Variants in IRAG1 observed in about 807,000 individuals in gnomAD.
The protein encoded by IRAG1 is IP3R-associated cGMP kinase substrate.
Under a neutral mutation model 106.2 loss-of-function variants are expected in IRAG1, and 62 were observed. The observed-to-expected ratio is 0.58, with a 90% CI of 0.48 to 0.72. IRAG1 has a LOEUF of 0.72. Ranked by LOEUF, IRAG1 falls within the 30% of genes least tolerant of loss-of-function variation. The pLI, the probability that IRAG1 is intolerant of heterozygous loss-of-function variation, is 0.00. For synonymous variants in IRAG1, 462 were observed against 443.9 expected (o/e 1.04, Z -0.51); for missense variants, 1,064 against 1,140.7 (o/e 0.93, Z 0.97).
At chr11:10,632,494 GTA>G (rs1441485669) in intron 3 of IRAG1, among the ~76,000 whole-genome samples, 1 of 152,082 alleles carries the variant, frequency 6.6e-6, no homozygotes, top group African/African-American at 2.4e-5. Flanking sequence ...CCAGATGCCT[GTA>G]TATTCTTTCA....
At chr11:10,611,899 A>G (rs952609001) in intron 10 of IRAG1, among the ~76,000 whole-genome samples, 1 of 152,204 alleles carries the variant, frequency 6.6e-6, no homozygotes, top group African/African-American at 2.4e-5. Flanking sequence ...AGCATTTCGA[A>G]GAGAGAAAAA....
At chr11:10,617,209 T>C in intron 10 of IRAG1, 1 of 985,230 alleles carries the variant, frequency 1.0e-6, no homozygotes, top group Non-Finnish European at 1.2e-6. Context: ...GCCACCTGGT[T>C]AAGGAGAATA....
chr11:10,688,797 C>T (rs932270304), intron 1 of IRAG1, among the ~76,000 whole-genome samples: 1 of 152,174 alleles, frequency 6.6e-6, no homozygotes, highest in African/African-American at 2.4e-5. Context: ...TTTACCTATG[C>T]CTTTATTTAC....
In IRAG1 at chr11:10,576,438, CA is replaced by C. The variant is rs2134038038; in HGVS notation, c.2632del (p.Cys878ValfsTer41). 6.2e-7 allele frequency: 1 copy of C among 1,613,970 alleles called. No individual in the cohort carries two copies. The highest frequency in any genetic ancestry group is 2.2e-5 in the East Asian group (1 of 44,878). ...AAGGGGCCCATCAGCCTGCTCTGCA[CA>C]AGAGTTATAGGAATTGTAGAGCCCC... Reference protein sequence around the residue: ...VLGLYNSYNSCAEQADGPLGR... With the variant: ...VLGLYNSYNSXAEQADGPLGR... On this transcript the variant is annotated frameshift_variant, in exon 21 of 21. Coordinates refer to ENST00000423302, the MANE Select transcript of IRAG1 (RefSeq NM_130385.4). LOFTEE classifies it high-confidence loss of function.
rs777166738 is a variant in IRAG1, at chr11:10,576,441, G to T, written c.2630C>A (p.Ser877Tyr). The change falls in exon 21 of 21, where the codon TCT (serine) becomes TAT (tyrosine). Residue 877 changes from serine to tyrosine, a missense_variant. Ser to Tyr is a moderately radical substitution (Grantham distance 144). Coordinates refer to ENST00000423302, the MANE Select transcript of IRAG1 (RefSeq NM_130385.4). Reference sequence around the variant, plus strand: ...GGGCCCATCAGCCTGCTCTGCACAAGAGTTATAGGAATTGTAGAGCCCCAG... The same window carrying T: ...GGGCCCATCAGCCTGCTCTGCACAATAGTTATAGGAATTGTAGAGCCCCAG... ...VVLGLYNSYN[S>Y]CAEQADGPLG... 3.7e-6 allele frequency: 6 copies of T among 1,613,876 alleles called. No homozygotes were observed. The African/African-American group carries it at 8.0e-5, about 22-fold the overall frequency.
intron 1 of IRAG1, among the ~76,000 whole-genome samples, chr11:10,681,045 G>C (rs1370684760): frequency 6.6e-6 from 1 of 152,170 alleles, no homozygotes; most frequent in Non-Finnish European, 1.5e-5. Context: ...ATCTTCCTGG[G>C]TCTTTTCAAG....
rs11604405 is a variant in IRAG1 at position 10,626,082 on chromosome 11, C to T, written c.1252G>A (p.Glu418Lys). 1.3e-6 allele frequency: 2 copies of T among 1,541,412 alleles called. No individual in the cohort carries two copies. Among genetic ancestry groups the T allele is most frequent in the Middle Eastern group, 1.7e-4 (1 of 5,740 alleles). The stretch of plus-strand genomic sequence containing the variant: ...GCCTTGCCTGCAAAACGCTTTTCTT[C>T]CTCTGCCAGTGGCAGCTTGGCAAGC... ...KVLAKLPLAE[E>K]EKRFAGKAGG... is the part of the protein sequence containing the mutation. Residue 418 changes from glutamate (E) to lysine (K), a missense_variant, in exon 9 of 21, where the codon GAA becomes AAA. Transcript: ENST00000423302.
At chr11:10,650,164 C>T (rs1470889986) in intron 2 of IRAG1, among the ~76,000 whole-genome samples, 2 of 152,142 alleles carry the variant, frequency 1.3e-5, no homozygotes, top group African/African-American at 4.8e-5. Flanking sequence ...TCTCCATATC[C>T]CAAACCCATG....
intron 1 of IRAG1, among the ~76,000 whole-genome samples, chr11:10,653,883 T>G (rs563872205): frequency 2.0e-3 from 309 of 152,250 alleles, no homozygotes; most frequent in Middle Eastern, 6.8e-3. Flanking sequence ...TCTATAGAAC[T>G]AACAACTGGC....
chr11:10,622,876 G>GACACACACACACACACACACACAC (rs10525799), intron 10 of IRAG1, among the ~76,000 whole-genome samples: 17,540 of 140,980 alleles, frequency 0.12, 1,432 homozygotes, highest in East Asian at 0.28. Context: ...GTAAGCAGTG[G>GACACACACACACACACACACACAC]ACACACACAC....
chr11:10,671,738 C>G (rs957002235), intron 1 of IRAG1, among the ~76,000 whole-genome samples: 3 of 151,828 alleles, frequency 2.0e-5, no homozygotes, highest in Non-Finnish European at 4.4e-5. Flanking sequence ...AACACAACAA[C>G]AACAACAACA....
At chr11:10,652,297 CG>C (rs1375072420) in intron 1 of IRAG1, 115 bp from the exon 2 acceptor site, 2 of 1,521,710 alleles carry the variant, frequency 1.3e-6, no homozygotes, top group East Asian at 2.4e-5. Flanking sequence ...GCATCAACAC[CG>C]GAGGTCAAAC....
Position 10,626,041 on chromosome 11 carries a change from G to C in IRAG1, c.1293C>G (p.Ala431=). 6.6e-7 allele frequency: 1 copy of C among 1,514,892 alleles called. No homozygotes were observed. The highest frequency in any genetic ancestry group is 8.8e-7 in the Non-Finnish European group (1 of 1,131,598). The allele number at this position is 1,514,892 out of a possible 1,614,324, so 93.8% of individuals were successfully genotyped here. The change falls in exon 9 of 21, where the codon GCC becomes GCG. Residue 431 remains alanine (A), a synonymous_variant. Coordinates refer to ENST00000423302, the MANE Select transcript of IRAG1 (RefSeq NM_130385.4). ...RFAGKAGGKL[A]KAPGLKDFQI... ...GAAAGTCTTTGAGACCAGGGGCCTT[G>C]GCCAGCTTGCCGCCGGCCTTGCCTG...
chr11:10,634,117 G>A, intron 2 of IRAG1, 46 bp from the exon 3 acceptor site: 1 of 1,173,408 alleles, frequency 8.5e-7, no homozygotes, highest in Non-Finnish European at 1.2e-6. Context: ...GGGCTGGTGG[G>A]ACTTCCAGGG....
intron 19 of IRAG1, 97 bp from the exon 20 acceptor site, chr11:10,580,686 T>C (rs951302441): frequency 7.2e-6 from 10 of 1,384,916 alleles, no homozygotes; most frequent in Admixed American, 2.3e-5. Context: ...GCACCTCCAA[T>C]AATTATGTGC....
At position 10,602,575 on chromosome 11, in the gene IRAG1, C is replaced by T. The variant is rs116744268; in HGVS notation, c.1875+545G>A. 3.4e-3 allele frequency among the ~76,000 whole-genome samples: 513 copies of T among 152,334 alleles called. 1 individual carries two copies. The highest frequency in any genetic ancestry group is 9.6e-3 in the African/African-American group (398 of 41,574). On this transcript the variant is annotated intron_variant, in intron 14 of 20. Coordinates refer to ENST00000423302, the MANE Select transcript of IRAG1 (RefSeq NM_130385.4). ...GAGAGCCAGACCTGGGCCTGTGCCCCGCTCCGCCACTAACGCTTTTACTTT... is the reference window on the plus strand; with the variant it reads ...GAGAGCCAGACCTGGGCCTGTGCCCTGCTCCGCCACTAACGCTTTTACTTT...
chr11:10,635,945 G>A (rs949535246), intron 2 of IRAG1, among the ~76,000 whole-genome samples: 1 of 152,192 alleles, frequency 6.6e-6, no homozygotes, highest in South Asian at 2.1e-4. Context: ...TGAAGGAAGA[G>A]GAGGCACTCA....
intron 1 of IRAG1, among the ~76,000 whole-genome samples, chr11:10,668,273 C>A (rs1390571): frequency 0.67 from 101,563 of 152,170 alleles, 34,702 homozygotes; most frequent in East Asian, 0.97. Context: ...TGGCTGTTGA[C>A]TTTCAATGTC....
At position 10,651,906 on chromosome 11, in the gene IRAG1, C is replaced by T. The variant is rs528001055; in HGVS notation, c.225+119G>A. On this transcript the variant is annotated intron_variant, in intron 2 of 20. Transcript: ENST00000423302. ...GCCACACACCTTCTCCAGGTACCCA[C>T]TGCAACCTACATGAGCTGTCAGCAA... 25 of 1,244,726 alleles carry T rather than the reference C, an allele frequency of 2.0e-5. No individual in the cohort carries two copies. The South Asian group carries it at 3.3e-4, about 16-fold the overall frequency. 77.1% of individuals were successfully genotyped at this position (1,244,726 alleles called of 1,614,324 possible).
Sources: allele counts gnomAD v4.1 joint callset (sites outside exome capture counted in the v4.1 genomes callset), GRCh38; gene constraint gnomAD v4.1.1; transcripts MANE v1.5; gene names NCBI Gene and HGNC (gene_info 2026-07-23, HGNC 2026-07-21).